ADARB2: variants seen among roughly 807,000 people sequenced by gnomAD.
The protein encoded by ADARB2 is inactive double-stranded RNA-specific editase B2.
ADARB2 carries 25 observed loss-of-function variants against 62.2 expected under a neutral mutation model. The ratio of observed to expected loss-of-function variants is 0.40; its 90% confidence interval spans 0.29 to 0.56. ADARB2 has a LOEUF of 0.56. Ranked by LOEUF, ADARB2 falls within the 20% of genes least tolerant of loss-of-function variation. The pLI is 0.43. For missense variants in ADARB2, 1,071 were observed against 1,077.4 expected (o/e 0.99, Z 0.08); for synonymous variants, 572 against 500.8 (o/e 1.14, Z -1.90).
chr10:1,579,609 A>T (rs959987424), intron 1 of ADARB2, among the ~76,000 whole-genome samples: 1 of 152,240 alleles, frequency 6.6e-6, no homozygotes, highest in South Asian at 2.1e-4. Flanking sequence ...AGAGCATCTC[A>T]CTTTTCTAAG....
intron 1 of ADARB2, among the ~76,000 whole-genome samples, chr10:1,610,009 T>G (rs1833547374): frequency 6.6e-6 from 1 of 152,220 alleles, no homozygotes; most frequent in Non-Finnish European, 1.5e-5. Context: ...CCCAGAGACC[T>G]TCAAGCTTGG....
At chr10:1,340,744 A>G (rs1191277404) in intron 3 of ADARB2, among the ~76,000 whole-genome samples, 2 of 145,342 alleles carry the variant, frequency 1.4e-5, no homozygotes, top group African/African-American at 5.3e-5. Context: ...ACCAGCATCC[A>G]CCAGAGAACC....
intron 1 of ADARB2, among the ~76,000 whole-genome samples, chr10:1,389,219 T>C (rs1433595640): frequency 6.6e-6 from 1 of 152,146 alleles, no homozygotes; most frequent in Non-Finnish European, 1.5e-5. Flanking sequence ...ACTTTCATGG[T>C]TTTCATTTAG....
intron 3 of ADARB2, among the ~76,000 whole-genome samples, chr10:1,351,844 A>G (rs1832145048): frequency 6.6e-6 from 1 of 151,352 alleles, no homozygotes; most frequent in South Asian, 2.1e-4. Flanking sequence ...CTAAAACCAG[A>G]CAAGGCTTAC....
At position 1,663,650 on chromosome 10, in the gene ADARB2, C is replaced by T. The variant is rs535175743; in HGVS notation, c.100+73401G>A. 2.9e-4 allele frequency among the ~76,000 whole-genome samples: 44 copies of T among 150,958 alleles called. 2 individuals are homozygous for T. The South Asian group carries it at 7.1e-3, about 24-fold the overall frequency. ...TTTTTTTTTCTTTGAGACAGAGTCT[C>T]GCTCTGTCACCCAGGCTAGAGTGCA... is the stretch of plus-strand genomic sequence containing the variant. On this transcript the variant is annotated intron_variant, in intron 1 of 9. Transcript: ENST00000381312.
At chr10:1,609,209 C>A (rs554822496) in intron 1 of ADARB2, among the ~76,000 whole-genome samples, 158 of 152,342 alleles carry the variant, frequency 1.0e-3, no homozygotes, top group African/African-American at 3.6e-3. Flanking sequence ...AGGGCTGCTG[C>A]CTCACACGTC....
intron 1 of ADARB2, among the ~76,000 whole-genome samples, chr10:1,650,377 A>G (rs1834094794): frequency 6.6e-6 from 1 of 152,176 alleles, no homozygotes; most frequent in African/African-American, 2.4e-5. Flanking sequence ...GATGGTAAAG[A>G]CACTTTGCTA....
chr10:1,254,455 T>G (rs1247154235), intron 4 of ADARB2, among the ~76,000 whole-genome samples: 2 of 152,234 alleles, frequency 1.3e-5, no homozygotes, highest in African/African-American at 2.4e-5. Flanking sequence ...TTTCTTATAC[T>G]TGTGTGATCA....
At chr10:1,506,816 T>C (rs950981866) in intron 1 of ADARB2, among the ~76,000 whole-genome samples, 5 of 152,198 alleles carry the variant, frequency 3.3e-5, no homozygotes, top group Non-Finnish European at 5.9e-5. Flanking sequence ...TGGGAGGTGA[T>C]TGGGTCATGG....
chr10:1,603,153 GTA>G (rs1833448246), intron 1 of ADARB2, among the ~76,000 whole-genome samples: 3 of 90,656 alleles, frequency 3.3e-5, no homozygotes, highest in African/African-American at 9.5e-5. Context: ...ACACACACCT[GTA>G]CACACATTAA....
At chr10:1,423,042 T>G (rs541646998) in intron 1 of ADARB2, among the ~76,000 whole-genome samples, 1 of 152,304 alleles carries the variant, frequency 6.6e-6, no homozygotes, top group South Asian at 2.1e-4. Context: ...AGAGAGGTAT[T>G]TGCCTTGTGC....
intron 1 of ADARB2, among the ~76,000 whole-genome samples, chr10:1,505,565 C>T (rs551628137): frequency 6.6e-6 from 1 of 152,318 alleles, no homozygotes; most frequent in East Asian, 1.9e-4. Context: ...GTGTGTCTAG[C>T]CCTGAGCCAG....
intron 1 of ADARB2, among the ~76,000 whole-genome samples, chr10:1,724,711 T>G (rs1338705119): frequency 1.3e-5 from 2 of 152,164 alleles, no homozygotes; most frequent in Non-Finnish European, 2.9e-5. Flanking sequence ...AATAAATTGG[T>G]CTGGAAGTTC....
At chr10:1,706,476 C>T (rs1834891369) in intron 1 of ADARB2, among the ~76,000 whole-genome samples, 1 of 152,180 alleles carries the variant, frequency 6.6e-6, no homozygotes, top group Non-Finnish European at 1.5e-5. Flanking sequence ...CAGGTATTTA[C>T]ATATTCAGGC....
chr10:1,649,990 G>A (rs1296495723), intron 1 of ADARB2, among the ~76,000 whole-genome samples: 2 of 152,206 alleles, frequency 1.3e-5, no homozygotes, highest in Admixed American at 1.3e-4. Context: ...CACTGGCTGG[G>A]CTGCGTATCA....
intron 1 of ADARB2, among the ~76,000 whole-genome samples, chr10:1,554,757 T>C (rs1023794950): frequency 6.6e-6 from 1 of 152,164 alleles, no homozygotes; most frequent in Non-Finnish European, 1.5e-5. Context: ...CTTCAACTTT[T>C]CTTGTGGGTT....
chr10:1,668,355 A>ACTT (rs1834338646), intron 1 of ADARB2, among the ~76,000 whole-genome samples: 3 of 152,252 alleles, frequency 2.0e-5, no homozygotes, highest in Admixed American at 2.0e-4. Context: ...ACATTGGAAC[A>ACTT]GTCAAAATAC....
chr10:1,506,743 GT>G (rs1831857467), intron 1 of ADARB2, among the ~76,000 whole-genome samples: 1 of 152,216 alleles, frequency 6.6e-6, no homozygotes, highest in Non-Finnish European at 1.5e-5. Flanking sequence ...TGGCTGTGGG[GT>G]CCCCCAAATT....
intron 1 of ADARB2, among the ~76,000 whole-genome samples, chr10:1,415,061 G>A (rs1448355212): frequency 1.3e-5 from 2 of 151,790 alleles, no homozygotes; most frequent in African/African-American, 2.4e-5. Context: ...TGTTTGGGTG[G>A]ATCATGGGTG....
Sources: gnomAD v4.1 joint callset for allele counts (sites outside exome capture counted in the v4.1 genomes callset) on GRCh38, gnomAD v4.1.1 for gene constraint, MANE v1.5 for transcripts, NCBI Gene and HGNC (gene_info 2026-07-23, HGNC 2026-07-21) for gene names.